The following ACTR3C variants were observed in gnomAD, a reference collection of about 807,000 sequenced individuals.
The protein encoded by ACTR3C is actin-related protein 3C.
A neutral mutation model predicts 26.3 loss-of-function variants in ACTR3C; 18 were observed. The ratio of observed to expected loss-of-function variants is 0.68; its 90% CI spans 0.47 to 1.01. The LOEUF is 1.01. ACTR3C is among the 50% of genes least tolerant of loss of function. The pLI, the probability that ACTR3C is intolerant of heterozygous loss-of-function variation, is 0.00. For missense variants in ACTR3C, 184 were observed against 250.7 expected (o/e 0.73, Z 1.80); for synonymous variants, 55 against 94.5 (o/e 0.58, Z 2.42).
the ACTR3C span, among the ~76,000 whole-genome samples, chr7:150,035,020 G>T: frequency 6.3e-5 from 9 of 143,958 alleles, no homozygotes; most frequent in Admixed American, 1.4e-4. Flanking sequence ...CAGAGCCAGG[G>T]GGGGAAGAGG....
chr7:150,093,782 T>G, the ACTR3C span, among the ~76,000 whole-genome samples: 1 of 150,992 alleles, frequency 6.6e-6, no homozygotes, highest in Non-Finnish European at 1.5e-5. Context: ...TCCAAGCTGC[T>G]ATATCACTCT....
At chr7:150,186,995 T>A in the ACTR3C span, among the ~76,000 whole-genome samples, 2 of 152,150 alleles carry the variant, frequency 1.3e-5, no homozygotes, top group Non-Finnish European at 2.9e-5. Context: ...GTACTTTATG[T>A]ACTGCTGATT....
chr7:150,003,130 TTGTGTG>T, the ACTR3C span: 1 of 149,814 alleles, frequency 6.7e-6, no homozygotes, highest in African/African-American at 2.5e-5. Context: ...CAACAGAAGT[TTGTGTG>T]TGTGTGTGTT....
the ACTR3C span, among the ~76,000 whole-genome samples, chr7:150,136,259 C>T: frequency 1.3e-5 from 2 of 152,156 alleles, no homozygotes; most frequent in African/African-American, 4.8e-5. Context: ...GAAGCGGTAG[C>T]GTCTCCAGAA....
chr7:150,121,981 C>T, the ACTR3C span, among the ~76,000 whole-genome samples: 9 of 151,910 alleles, frequency 5.9e-5, no homozygotes, highest in African/African-American at 1.7e-4. Context: ...AATGGGGAAA[C>T]GATTACCTAT....
At chr7:150,144,846 G>A in the ACTR3C span, among the ~76,000 whole-genome samples, 4 of 152,172 alleles carry the variant, frequency 2.6e-5, no homozygotes, top group Admixed American at 6.5e-5. The surrounding 1 kb of genome is among the most constrained non-coding windows in gnomAD (Gnocchi z 4.6). Context: ...TCAGGAGTTC[G>A]AGACTAGTCT....
At chr7:149,921,664 G>A in the ACTR3C span, among the ~76,000 whole-genome samples, 1 of 152,050 alleles carries the variant, frequency 6.6e-6, no homozygotes, top group Admixed American at 6.6e-5. Flanking sequence ...ATCACCTGAA[G>A]TCAAGAGTTC....
the ACTR3C span, among the ~76,000 whole-genome samples, chr7:149,938,477 T>C: frequency 6.6e-6 from 1 of 151,974 alleles, no homozygotes; most frequent in Non-Finnish European, 1.5e-5. Flanking sequence ...ACAAGAGACC[T>C]TAGCAATTAA....
the ACTR3C span, among the ~76,000 whole-genome samples, chr7:150,116,864 C>T: frequency 6.6e-6 from 1 of 151,650 alleles, no homozygotes; most frequent in Admixed American, 6.6e-5. Flanking sequence ...GTGATTTCTG[C>T]ATTTCCAACT....
At chr7:150,190,391 G>A in the ACTR3C span, among the ~76,000 whole-genome samples, 2 of 141,326 alleles carry the variant, frequency 1.4e-5, no homozygotes, top group African/African-American at 6.2e-5. Context: ...TTATAACAAA[G>A]TCCAGTTAGT....
the ACTR3C span, among the ~76,000 whole-genome samples, chr7:150,148,588 A>G: frequency 6.6e-6 from 1 of 152,376 alleles, no homozygotes; most frequent in Non-Finnish European, 1.5e-5. Context: ...ATGCCCACTT[A>G]TTTAAAAAAT....
At chr7:150,066,002 A>G in the ACTR3C span, among the ~76,000 whole-genome samples, 1 of 152,184 alleles carries the variant, frequency 6.6e-6, no homozygotes, top group Non-Finnish European at 1.5e-5. Context: ...GAACAACTTG[A>G]TAATCACAAA....
the ACTR3C span, among the ~76,000 whole-genome samples, chr7:150,158,050 TC>T: frequency 6.6e-6 from 1 of 152,056 alleles, no homozygotes; most frequent in Non-Finnish European, 1.5e-5. Flanking sequence ...AGACATTTCT[TC>T]CAAAGAAGAC....
At chr7:149,885,130 A>C in the ACTR3C span, among the ~76,000 whole-genome samples, 47 of 152,262 alleles carry the variant, frequency 3.1e-4, 1 homozygote, top group East Asian at 8.1e-3. Flanking sequence ...GCTCCTGGCC[A>C]TGACAACTAT....
At chr7:150,133,868 G>A in the ACTR3C span, among the ~76,000 whole-genome samples, 1 of 152,164 alleles carries the variant, frequency 6.6e-6, no homozygotes, top group Non-Finnish European at 1.5e-5. Context: ...CTCCCAAGTA[G>A]CTGGGACTAC....
At chr7:150,118,062 G>A in the ACTR3C span, among the ~76,000 whole-genome samples, 7 of 151,986 alleles carry the variant, frequency 4.6e-5, no homozygotes, top group East Asian at 1.9e-4. Context: ...GGACAACAAC[G>A]CAAAAACCCC....
the ACTR3C span, chr7:150,004,927 C>A: frequency 1.3e-5 from 2 of 152,124 alleles, no homozygotes; most frequent in Non-Finnish European, 2.9e-5. Flanking sequence ...TGGGTGGATC[C>A]CAGACCAAGG....
At chr7:150,267,710 C>T (rs1386552128) in intron 6 of ACTR3C, among the ~76,000 whole-genome samples, 1 of 152,138 alleles carries the variant, frequency 6.6e-6, no homozygotes, top group Non-Finnish European at 1.5e-5. Context: ...GGGTGTGGTA[C>T]CATCTACAGT....
chr7:150,088,836 G>T, the ACTR3C span, among the ~76,000 whole-genome samples: 1 of 152,132 alleles, frequency 6.6e-6, no homozygotes, highest in Non-Finnish European at 1.5e-5. Flanking sequence ...AATGAAGAAT[G>T]GATTCGATAA....
Sources: allele counts gnomAD v4.1 joint callset (sites outside exome capture counted in the v4.1 genomes callset), GRCh38; gene constraint gnomAD v4.1.1; non-coding constraint Gnocchi (gnomAD v3.1); transcripts MANE v1.5; gene names NCBI Gene and HGNC (gene_info 2026-07-23, HGNC 2026-07-21).